Variants in FSTL5 observed in about 807,000 individuals in gnomAD.
FSTL5 encodes follistatin like 5.
A neutral mutation model predicts 89.1 loss-of-function variants in FSTL5; 62 were observed. That is an observed-to-expected ratio of 0.70 (90% CI 0.57 to 0.86). The LOEUF is 0.86. Ranked by LOEUF, FSTL5 falls within the 40% of genes least tolerant of loss-of-function variation. The probability of loss-of-function intolerance (pLI) is 0.00; values close to 1 mark genes in which losing one functional copy is unlikely to be tolerated. For synonymous variants in FSTL5, 383 were observed against 346.2 expected, an observed-to-expected ratio of 1.11 and a Z score of -1.18; for missense variants, 1,057 against 1,001.6, an observed-to-expected ratio of 1.06 and a Z score of -0.75.
At chr4:161,638,559 T>A (rs1735820136) in intron 7 of FSTL5, among the ~76,000 whole-genome samples, 2 of 151,552 alleles carry the variant, frequency 1.3e-5, no homozygotes, top group South Asian at 4.2e-4. Flanking sequence ...AGCTGAATTC[T>A]ACCAGAGGTA....
chr4:161,572,996 G>T (rs1323187379), intron 8 of FSTL5, among the ~76,000 whole-genome samples: 1 of 152,206 alleles, frequency 6.6e-6, no homozygotes, highest in East Asian at 1.9e-4. Flanking sequence ...GAGACCCTTA[G>T]AACGGTGGCC....
At chr4:161,984,134 C>T (rs983348991) in intron 3 of FSTL5, among the ~76,000 whole-genome samples, 1 of 151,958 alleles carries the variant, frequency 6.6e-6, no homozygotes, top group Non-Finnish European at 1.5e-5. Context: ...CTAATGGTTG[C>T]AAAGTGGCTT....
chr4:162,019,209 C>T (rs895173338), intron 3 of FSTL5, among the ~76,000 whole-genome samples: 2 of 152,050 alleles, frequency 1.3e-5, no homozygotes, highest in African/African-American at 4.8e-5. Context: ...AGCTGCTTAA[C>T]AAATAAAAAT....
chr4:161,631,978 T>C lies in FSTL5; in HGVS notation c.894+24350A>G, dbSNP rs11937886. ...TCAATTTAGAAGTACACTGAAGCTATATTTGGTTCATGTAAAATTTATCTT... is the reference window on the plus strand; with the variant it reads ...TCAATTTAGAAGTACACTGAAGCTACATTTGGTTCATGTAAAATTTATCTT... On this transcript the variant is annotated intron_variant, in intron 7 of 15. Coordinates refer to ENST00000306100, the MANE Select transcript of FSTL5 (RefSeq NM_020116.5). Among the ~76,000 whole-genome samples the C allele has an allele frequency of 7.3e-3, 1,111 of 152,316 alleles. 11 individuals are homozygous for C. Among genetic ancestry groups the C allele is most frequent in the African/African-American group, 0.025 (1,044 of 41,568 alleles).
intron 9 of FSTL5, among the ~76,000 whole-genome samples, chr4:161,542,169 A>G (rs1242188378): frequency 6.6e-6 from 1 of 152,042 alleles, no homozygotes; most frequent in Non-Finnish European, 1.5e-5. Context: ...TATTCAAGGT[A>G]TTATTTAAAC....
chr4:161,759,481 A>G lies in FSTL5; in HGVS notation c.657T>C (p.Tyr219=), dbSNP rs1579072450. ...TAAAATCATCATATTTCAATAGAAC[A>G]TACAAAGTACAATCAAAGAGATCCT... ...LGKDLFDCTL[Y]VLLKYDDFNA... The change falls in exon 6 of 16, where the codon TAT becomes TAC. Residue 219 remains tyrosine, a synonymous_variant. Transcript: ENST00000306100. 6.3e-7 allele frequency: 1 copy of G among 1,593,854 alleles called. No homozygotes were observed. The highest frequency in any genetic ancestry group is 8.5e-7 in the Non-Finnish European group (1 of 1,169,640).
chr4:162,024,357 G>A (rs768733500), intron 3 of FSTL5, among the ~76,000 whole-genome samples: 1 of 152,094 alleles, frequency 6.6e-6, no homozygotes, highest in East Asian at 1.9e-4. Context: ...GAAAGCACTT[G>A]ACAGAGGACC....
At chr4:161,453,725 G>T (rs1482619545) in intron 15 of FSTL5, among the ~76,000 whole-genome samples, 1 of 152,080 alleles carries the variant, frequency 6.6e-6, no homozygotes, top group Non-Finnish European at 1.5e-5. Context: ...CTCACGAGCA[G>T]CTGGGACTAC....
chr4:161,956,280 A>T (rs1157438668), intron 3 of FSTL5, among the ~76,000 whole-genome samples: 1 of 71,316 alleles, frequency 1.4e-5, no homozygotes, highest in South Asian at 4.2e-4. Context: ...GTAAGTAAAG[A>T]GATTGCCCAA....
intron 3 of FSTL5, among the ~76,000 whole-genome samples, chr4:162,019,262 TCTAG>T (rs1687353178): frequency 1.3e-5 from 2 of 152,098 alleles, no homozygotes; most frequent in Admixed American, 1.3e-4. Flanking sequence ...CTATTAAAAC[TCTAG>T]CTAATCATAA....
chr4:161,841,678 TTAAG>T (rs1237747993), intron 4 of FSTL5, among the ~76,000 whole-genome samples: 1 of 152,178 alleles, frequency 6.6e-6, no homozygotes, highest in Non-Finnish European at 1.5e-5. Context: ...GTTGGTAGTA[TTAAG>T]TGTCTAATTA....
rs1263420471 is a variant in FSTL5 at position 162,046,994 on chromosome 4, CAAAT to C, written c.127-13340_127-13337del. ...AGTAATATAAATTTTAGACAGACAA[CAAAT>C]AAATAAGATATATTATTGAAAATAT... On this transcript the variant is annotated intron_variant, in intron 2 of 15. Coordinates refer to ENST00000306100, the MANE Select transcript of FSTL5 (RefSeq NM_020116.5). Among the ~76,000 whole-genome samples the C allele has an allele frequency of 5.9e-5, 9 of 152,012 alleles. No homozygotes were observed. The East Asian group carries it at 1.4e-3, about 23-fold the overall frequency.
Position 161,601,329 on chromosome 4 carries a change from G to GAAAAAAAAAAAAAAAAA in FSTL5, c.895-13771_895-13755dup, listed in dbSNP as rs35261391. Among the ~76,000 whole-genome samples, 2 of 107,540 alleles carry GAAAAAAAAAAAAAAAAA rather than the reference G, an allele frequency of 1.9e-5. 1 individual carries two copies. Among genetic ancestry groups the GAAAAAAAAAAAAAAAAA allele is most frequent in the African/African-American group, 7.2e-5 (2 of 27,610 alleles). The allele number at this position is 107,540 out of a possible 152,430, so 70.6% of individuals were successfully genotyped here. A position where few individuals can be genotyped will look rare whatever the true frequency, so the allele number is the denominator to read the frequency against. Reference sequence around the variant, plus strand: ...AGTGACACAAAGTCTTAAATAGTTGGAAAAAAAAAAAAAAAAAAAAAGGCA... The same window carrying GAAAAAAAAAAAAAAAAA: ...AGTGACACAAAGTCTTAAATAGTTGGAAAAAAAAAAAAAAAAAAAAAAAAAAAAAAAAAAAAAAGGCA... On this transcript the variant is annotated intron_variant, in intron 7 of 15. Coordinates refer to ENST00000306100, the MANE Select transcript of FSTL5 (RefSeq NM_020116.5).
rs1479542174 is a variant in FSTL5 at position 161,775,883 on chromosome 4, T to A, written c.601A>T (p.Thr201Ser). 2.0e-6 allele frequency: 3 copies of A among 1,507,820 alleles called. No individual in the cohort carries two copies. The highest frequency in any genetic ancestry group is 2.7e-6 in the Non-Finnish European group (3 of 1,115,064). The allele number at this position is 1,507,820 out of a possible 1,614,324, so 93.4% of individuals were successfully genotyped here. A position where few individuals can be genotyped will look rare whatever the true frequency, so the allele number is the denominator to read the frequency against. Reference sequence around the variant, plus strand: ...AATATAGTCACTAATCATACCTGAGTTAGTTCATTAATATCTACAAGTCCA... The same window carrying A: ...AATATAGTCACTAATCATACCTGAGATAGTTCATTAATATCTACAAGTCCA... ...SNGLVDINEL[T>S]QVIKQEELGK... The change falls in exon 5 of 16, where the codon ACT (threonine) becomes TCT (serine). Residue 201 changes from threonine (T) to serine (S), a missense_variant. Transcript: ENST00000306100.
At chr4:162,016,824 T>C (rs541037832) in intron 3 of FSTL5, among the ~76,000 whole-genome samples, 1 of 152,178 alleles carries the variant, frequency 6.6e-6, no homozygotes, top group Non-Finnish European at 1.5e-5. Context: ...GAATAGATTG[T>C]CAAATTTGGA....
At chr4:161,867,284 C>G (rs1405879079) in intron 4 of FSTL5, among the ~76,000 whole-genome samples, 4 of 151,910 alleles carry the variant, frequency 2.6e-5, no homozygotes. Context: ...AAACTATATA[C>G]TCTCTTAAAG....
chr4:162,154,233 T>C (rs1039395698), intron 1 of FSTL5, among the ~76,000 whole-genome samples: 1 of 152,166 alleles, frequency 6.6e-6, no homozygotes, highest in Non-Finnish European at 1.5e-5. Context: ...TAATTGTATA[T>C]AAAAGATGCA....
chr4:161,468,513 G>C (rs911211100), intron 13 of FSTL5, among the ~76,000 whole-genome samples: 4 of 152,092 alleles, frequency 2.6e-5, no homozygotes, highest in African/African-American at 9.7e-5. Context: ...GGTTAGTTGA[G>C]AATGTACTGT....
intron 7 of FSTL5, among the ~76,000 whole-genome samples, chr4:161,622,057 C>T (rs1362607113): frequency 6.6e-6 from 1 of 151,724 alleles, no homozygotes; most frequent in Non-Finnish European, 1.5e-5. Flanking sequence ...GGTGCGATTA[C>T]TACATATGCT....
Sources: gnomAD v4.1 joint callset for allele counts (sites outside exome capture counted in the v4.1 genomes callset) on GRCh38, gnomAD v4.1.1 for gene constraint, MANE v1.5 for transcripts, NCBI Gene and HGNC (gene_info 2026-07-23, HGNC 2026-07-21) for gene names.